Variants in CTNNAL1 observed in about 807,000 individuals in gnomAD.
CTNNAL1 encodes catenin alpha like 1, also known as alpha-catulin.
In CTNNAL1, 69 loss-of-function variants were observed where a neutral mutation model predicts 93.6. The observed-to-expected ratio is 0.74, with a 90% CI of 0.61 to 0.90. CTNNAL1 has a LOEUF of 0.90. Ranked by LOEUF, CTNNAL1 falls within the 40% of genes least tolerant of loss-of-function variation. The probability of loss-of-function intolerance (pLI) is 0.00; values close to 1 mark genes in which losing one functional copy is unlikely to be tolerated. For synonymous variants in CTNNAL1, 286 were observed against 305.4 expected (o/e 0.94, Z 0.66); for missense variants, 836 against 862.0 (o/e 0.97, Z 0.38).
intron 1 of CTNNAL1, among the ~76,000 whole-genome samples, chr9:109,005,918 TGTTC>T: frequency 6.6e-6 from 1 of 152,348 alleles, no homozygotes; most frequent in African/African-American, 2.4e-5. Flanking sequence ...GTCTAGGAAA[TGTTC>T]AATCCAAATA....
At chr9:108,967,013 C>T (rs1315918255) in intron 10 of CTNNAL1, among the ~76,000 whole-genome samples, 2 of 152,216 alleles carry the variant, frequency 1.3e-5, no homozygotes, top group Non-Finnish European at 2.9e-5. Context: ...GATATGTTCA[C>T]AGCAGATCCT....
intron 10 of CTNNAL1, among the ~76,000 whole-genome samples, chr9:108,969,468 A>G (rs538613501): frequency 6.6e-6 from 1 of 152,296 alleles, no homozygotes; most frequent in East Asian, 1.9e-4. Flanking sequence ...TCATATGTAT[A>G]TATTCTCTAT....
rs754611985 is a variant in CTNNAL1, at chr9:108,990,746, G to A, written c.619C>T (p.Leu207=). The change falls in exon 4 of 19, where the codon CTG becomes TTG. Residue 207 remains leucine (L), a synonymous_variant. Transcript: ENST00000325551. The stretch of plus-strand genomic sequence containing the variant: ...CATACATTTTGTCTATCTCCACTCA[G>A]ATGTGCAAACTCCACCATTTCATTT... The part of the protein sequence containing the change: ...FGNEMVEFAH[L]SGDRQNDLKD... 1 of 1,613,224 alleles carries A rather than the reference G, an allele frequency of 6.2e-7. No homozygotes were observed. The highest frequency in any genetic ancestry group is 1.3e-5 in the African/African-American group (1 of 74,920).
At chr9:108,971,835 C>T (rs1022716374) in intron 9 of CTNNAL1, among the ~76,000 whole-genome samples, 14 of 152,070 alleles carry the variant, frequency 9.2e-5, no homozygotes, top group Non-Finnish European at 1.5e-5. Flanking sequence ...ATAAGCCTAA[C>T]TGGAATTATA....
chr9:108,996,460 T>A (rs1310378728), intron 2 of CTNNAL1, among the ~76,000 whole-genome samples: 1 of 152,182 alleles, frequency 6.6e-6, no homozygotes, highest in African/African-American at 2.4e-5. Flanking sequence ...CTCATACTCT[T>A]ACCTGAGTGA....
intron 7 of CTNNAL1, among the ~76,000 whole-genome samples, chr9:108,978,955 T>C (rs1831341139): frequency 6.6e-6 from 1 of 152,192 alleles, no homozygotes. Flanking sequence ...TTCTTCACTC[T>C]GAAGAAGTAT....
chr9:108,978,217 T>C (rs887880896), intron 7 of CTNNAL1, among the ~76,000 whole-genome samples: 3 of 152,248 alleles, frequency 2.0e-5, no homozygotes. Context: ...ATCACACAGA[T>C]AATTCAAACT....
intron 14 of CTNNAL1, among the ~76,000 whole-genome samples, chr9:108,951,116 T>C (rs1830551808): frequency 1.3e-5 from 2 of 151,678 alleles, no homozygotes; most frequent in South Asian, 2.1e-4. Flanking sequence ...TTTCACGCCA[T>C]TCTCCTGCCT....
chr9:108,972,644 C>A, intron 9 of CTNNAL1, 31 bp downstream of exon 9: 3 of 1,575,066 alleles, frequency 1.9e-6, no homozygotes, highest in Non-Finnish European at 2.6e-6. Flanking sequence ...CATTATTAAA[C>A]TACAATTTCT....
At chr9:108,991,000 G>A (rs1344183844) in intron 3 of CTNNAL1, among the ~76,000 whole-genome samples, 155 bp from the exon 4 acceptor site, 1 of 152,208 alleles carries the variant, frequency 6.6e-6, no homozygotes, top group Admixed American at 6.5e-5. Flanking sequence ...GATGCTCAGA[G>A]AAGTAGAAGT....
In CTNNAL1 at chr9:108,970,437, G is replaced by T. The variant is rs1368761912; in HGVS notation, c.1405C>A (p.His469Asn). ...GTCACCTGAAATGTCTCCTCTGCAT[G>T]TATACAGGTTATTTCCAGAGGTTCT... ...GTEPLEITCI[H>N]AEETFQVTGQ... The change falls in exon 10 of 19, where the codon CAT becomes AAT. Residue 469 changes from histidine (H) to asparagine (N), a missense_variant. Transcript: ENST00000325551. 6.2e-7 allele frequency: 1 copy of T among 1,612,670 alleles called. No individual in the cohort carries two copies. Among genetic ancestry groups the T allele is most frequent in the East Asian group, 2.2e-5 (1 of 44,750 alleles).
At chr9:108,968,161 T>A (rs1245174497) in intron 10 of CTNNAL1, among the ~76,000 whole-genome samples, 1 of 152,226 alleles carries the variant, frequency 6.6e-6, no homozygotes, top group Non-Finnish European at 1.5e-5. Context: ...TACAAACTGT[T>A]CAACTGTTCC....
chr9:108,979,562 G>T, intron 6 of CTNNAL1, 81 bp from the exon 7 acceptor site: 3 of 1,316,792 alleles, frequency 2.3e-6, no homozygotes, highest in East Asian at 2.5e-5. Context: ...TTCTAACAGT[G>T]CCCAGGAAAA....
chr9:108,999,036 T>C lies in CTNNAL1; in HGVS notation c.331+31A>G, dbSNP rs374409331. ...CATAACCAAAGCAATAAAAGTGGTA[T>C]GAATAGTCTTCAAAATCAATATCCA... On this transcript the variant is annotated intron_variant, in intron 2 of 18. Transcript: ENST00000325551. 180 of 1,570,990 alleles carry C rather than the reference T, an allele frequency of 1.1e-4. No individual in the cohort carries two copies. The African/African-American group carries it at 2.0e-3, about 18-fold the overall frequency.
chr9:108,983,909 T>C (rs907504404), intron 5 of CTNNAL1, among the ~76,000 whole-genome samples: 11 of 152,226 alleles, frequency 7.2e-5, no homozygotes, highest in African/African-American at 2.7e-4. Flanking sequence ...ATACTCTTGA[T>C]TGATAATTTT....
At chr9:108,963,089 GA>G (rs1253481206) in intron 11 of CTNNAL1, among the ~76,000 whole-genome samples, 2 of 152,140 alleles carry the variant, frequency 1.3e-5, no homozygotes, top group Admixed American at 6.6e-5. Flanking sequence ...TTTATAGAAA[GA>G]AAACCCCCTT....
chr9:109,009,579 C>T (rs1424433137), intron 1 of CTNNAL1, among the ~76,000 whole-genome samples: 1 of 152,112 alleles, frequency 6.6e-6, no homozygotes, highest in African/African-American at 2.4e-5. Flanking sequence ...TGTTCTGATA[C>T]CCACATTGTC....
chr9:108,950,087 A>G (rs939183628), intron 14 of CTNNAL1, among the ~76,000 whole-genome samples: 4 of 152,022 alleles, frequency 2.6e-5, no homozygotes, highest in Non-Finnish European at 5.9e-5. Context: ...AATATTTTAC[A>G]TATCAAACTA....
At chr9:108,972,864 G>GGGGGGGGGGGGGGGGGGGGCCCCCCCCCC in intron 8 of CTNNAL1, 31 bp from the exon 9 acceptor site, 2 of 142,574 alleles carry the variant, frequency 1.4e-5, no homozygotes, top group Non-Finnish European at 1.0e-5. Flanking sequence ...GGGGGGGTGG[G>GGGGGGGGGGGGGGGGGGGGCCCCCCCCCC]AGGGTGGAGA....
Sources: gnomAD v4.1 joint callset for allele counts (sites outside exome capture counted in the v4.1 genomes callset) on GRCh38, gnomAD v4.1.1 for gene constraint, MANE v1.5 for transcripts, NCBI Gene and HGNC (gene_info 2026-07-23, HGNC 2026-07-21) for gene names.